NRXN1: variants seen among roughly 807,000 people sequenced by gnomAD.
The protein encoded by NRXN1 is neurexin 1, also known as neurexin-1.
NRXN1 carries 39 observed loss-of-function variants against 150.9 expected under a neutral mutation model. The ratio of observed to expected loss-of-function variants is 0.26; its 90% CI spans 0.20 to 0.34. The LOEUF is 0.34. Ranked by LOEUF, NRXN1 falls within the 10% of genes least tolerant of loss-of-function variation. The pLI is 1.00. For missense variants in NRXN1, 1,815 were observed against 1,949.9 expected (o/e 0.93, Z 1.30); for synonymous variants, 924 against 757.0 (o/e 1.22, Z -3.62).
At chr2:50,646,530 G>C (rs929794106) in intron 5 of NRXN1, among the ~76,000 whole-genome samples, 1 of 151,942 alleles carries the variant, frequency 6.6e-6, no homozygotes, top group Non-Finnish European at 1.5e-5. Context: ...AGGAGAACCA[G>C]CTCTTTGGCT....
chr2:50,223,431 G>A (rs1435882841), intron 18 of NRXN1, among the ~76,000 whole-genome samples: 2 of 151,850 alleles, frequency 1.3e-5, no homozygotes, highest in South Asian at 2.1e-4. Context: ...ATTTGGAGGC[G>A]GAGCTAGAAT....
At chr2:50,952,124 G>A (rs541299536) in intron 2 of NRXN1, among the ~76,000 whole-genome samples, 18 of 150,592 alleles carry the variant, frequency 1.2e-4, no homozygotes, top group Non-Finnish European at 2.2e-4. Flanking sequence ...CTGCCACTAC[G>A]CCCAGCTAAT....
At chr2:50,170,136 T>C (rs1159640503) in intron 18 of NRXN1, among the ~76,000 whole-genome samples, 1 of 150,262 alleles carries the variant, frequency 6.7e-6, no homozygotes, top group East Asian at 1.9e-4. Flanking sequence ...ATATTATAGA[T>C]AATATCACAC....
intron 17 of NRXN1, among the ~76,000 whole-genome samples, chr2:50,289,891 GAAA>G (rs1044765985): frequency 6.6e-6 from 1 of 152,030 alleles, no homozygotes. Context: ...TTTTTAAAAG[GAAA>G]AATATAATAT....
In NRXN1 at chr2:50,222,085, A is replaced by G. The variant is rs2063939156; in HGVS notation, c.3546+14704T>C. Reference sequence around the variant, plus strand: ...GGAATGTGTAGAAGGTGAAGAACACAGAGGTAGACTCTGAAATGAGTACTG... The same window carrying G: ...GGAATGTGTAGAAGGTGAAGAACACGGAGGTAGACTCTGAAATGAGTACTG... On this transcript the variant is annotated intron_variant, in intron 18 of 22. Coordinates refer to ENST00000401669, the MANE Select transcript of NRXN1 (RefSeq NM_001330078.2). 2.0e-5 allele frequency among the ~76,000 whole-genome samples: 3 copies of G among 152,002 alleles called. No individual in the cohort carries two copies. In the South Asian group the frequency reaches 6.2e-4, roughly 31 times the overall value.
At chr2:50,006,214 A>C (rs930295) in intron 21 of NRXN1, among the ~76,000 whole-genome samples, 134,365 of 152,104 alleles carry the variant, frequency 0.88, 59,655 homozygotes, top group African/African-American at 0.97. Context: ...TTGCCTACAC[A>C]ATATTCCCAC....
intron 18 of NRXN1, among the ~76,000 whole-genome samples, chr2:50,125,718 GA>G (rs1704488075): frequency 1.3e-5 from 2 of 152,032 alleles, no homozygotes; most frequent in Admixed American, 6.6e-5. Context: ...TTGTAGATGG[GA>G]TAGAGATTAG....
chr2:50,158,097 GT>G, intron 18 of NRXN1, among the ~76,000 whole-genome samples: 1 of 149,394 alleles, frequency 6.7e-6, no homozygotes, highest in African/African-American at 2.5e-5. Context: ...GTGTGTGTGT[GT>G]GTGTGTGTGT....
chr2:50,853,066 C>T (rs1210528212), intron 5 of NRXN1, among the ~76,000 whole-genome samples: 1 of 152,102 alleles, frequency 6.6e-6, no homozygotes, highest in African/African-American at 2.4e-5. Context: ...TATTGAAGAC[C>T]ACATATACCC....
In NRXN1 at chr2:49,922,248, T is replaced by C. The variant is rs146968018; in HGVS notation, c.4220A>G (p.Asn1407Ser). ...PCEPSSGGLA[N>S]PTRAGGREPY... is the part of the protein sequence containing the mutation. The stretch of plus-strand genomic sequence containing the variant: ...CTCTCTGCCGCCTGCTCGGGTTGGG[T>C]TGGCTATAGAAAAGAGGATGAGAAC... The change falls in exon 23 of 23, where the codon AAC becomes AGC. Residue 1407 changes from asparagine (N) to serine (S), a missense_variant. Physicochemically the swap from Asn to Ser is conservative, Grantham distance 46. This residue lies in a region of NRXN1 where 265 missense variants were observed against 307.1 expected (regional missense o/e 0.86). Transcript: ENST00000401669. 1.3e-5 allele frequency: 21 copies of C among 1,612,930 alleles called. No individual in the cohort carries two copies. Among genetic ancestry groups the C allele is most frequent in the Non-Finnish European group, 1.7e-5 (20 of 1,179,426 alleles).
intron 5 of NRXN1, among the ~76,000 whole-genome samples, chr2:50,640,501 C>G (rs1413706289): frequency 6.6e-6 from 1 of 152,150 alleles, no homozygotes; most frequent in Non-Finnish European, 1.5e-5. Flanking sequence ...CCTCCCCTTT[C>G]CCAATTAATA....
At chr2:50,941,802 T>C (rs1420203830) in intron 2 of NRXN1, among the ~76,000 whole-genome samples, 1 of 152,170 alleles carries the variant, frequency 6.6e-6, no homozygotes, top group Non-Finnish European at 1.5e-5. Context: ...AACTGGACCA[T>C]GTGGTAGAAG....
At chr2:50,327,289 A>C (rs1307926152) in intron 17 of NRXN1, among the ~76,000 whole-genome samples, 3 of 152,224 alleles carry the variant, frequency 2.0e-5, no homozygotes, top group Non-Finnish European at 1.5e-5. Context: ...GACACAAAAC[A>C]GAACATTCTT....
chr2:50,038,677 C>A (rs115069295), intron 21 of NRXN1, among the ~76,000 whole-genome samples: 1 of 152,008 alleles, frequency 6.6e-6, no homozygotes, highest in South Asian at 2.1e-4. Flanking sequence ...ATTTGTTATA[C>A]AGGAACAGAT....
In NRXN1 at chr2:50,820,961, T is replaced by G. The variant is rs1574594808; in HGVS notation, c.832+100908A>C. On this transcript the variant is annotated intron_variant, in intron 5 of 22. Transcript: ENST00000401669. ...GATATGTGGAAAACCATATCTACAT[T>G]AAATTGTCAATAAAACTGCATTTTC... Among the ~76,000 whole-genome samples the G allele has an allele frequency of 2.6e-5, 4 of 152,282 alleles. No homozygotes were observed. In the Middle Eastern group the frequency reaches 0.01, roughly 388 times the overall value.
Position 50,867,210 on chromosome 2 carries a change from C to T in NRXN1, c.832+54659G>A, listed in dbSNP as rs530631962. On this transcript the variant is annotated intron_variant, in intron 5 of 22. Transcript: ENST00000401669. ...TTCTTCTTTAAACATTTCTAAGGGCCCTCTTCCCATCTCCTATGTAGTGAC... is the reference window on the plus strand; with the variant it reads ...TTCTTCTTTAAACATTTCTAAGGGCTCTCTTCCCATCTCCTATGTAGTGAC... 3.3e-5 allele frequency among the ~76,000 whole-genome samples: 5 copies of T among 151,866 alleles called. No homozygotes were observed. The South Asian group carries it at 1.0e-3, about 32-fold the overall frequency.
At chr2:50,371,982 T>C (rs1395696638) in intron 17 of NRXN1, among the ~76,000 whole-genome samples, 1 of 152,036 alleles carries the variant, frequency 6.6e-6, no homozygotes, top group African/African-American at 2.4e-5. Flanking sequence ...CTGAATCATA[T>C]TATTTCTTTC....
At chr2:50,680,628 A>C (rs894614962) in intron 5 of NRXN1, among the ~76,000 whole-genome samples, 1 of 152,150 alleles carries the variant, frequency 6.6e-6, no homozygotes, top group African/African-American at 2.4e-5. Context: ...TAATGTAACC[A>C]AGAATATTAC....
chr2:50,378,999 T>C (rs1157713585), intron 17 of NRXN1, among the ~76,000 whole-genome samples: 1 of 152,180 alleles, frequency 6.6e-6, no homozygotes, highest in Non-Finnish European at 1.5e-5. Flanking sequence ...GCCTTGGTCA[T>C]GGGTGTAGTC....
Sources: allele counts gnomAD v4.1 joint callset (sites outside exome capture counted in the v4.1 genomes callset), GRCh38; gene constraint gnomAD v4.1.1; regional missense constraint gnomAD v4.1.1; transcripts MANE v1.5; gene names NCBI Gene and HGNC (gene_info 2026-07-23, HGNC 2026-07-21).